SEMA3E: variants seen among roughly 807,000 people sequenced by gnomAD.
The protein encoded by SEMA3E is semaphorin 3E.
In SEMA3E, 49 loss-of-function variants were observed where a neutral mutation model predicts 93.6. The observed-to-expected ratio is 0.52, with a 90% CI of 0.42 to 0.66. The LOEUF (loss-of-function observed/expected upper bound fraction) is 0.66. Ranked by LOEUF, SEMA3E falls within the 30% of genes least tolerant of loss-of-function variation. The probability of loss-of-function intolerance (pLI) is 0.00; values close to 1 mark genes in which losing one functional copy is unlikely to be tolerated. For missense variants in SEMA3E, 906 were observed against 964.8 expected, an observed-to-expected ratio of 0.94 and a Z score of 0.81; for synonymous variants, 363 against 330.7, an observed-to-expected ratio of 1.10 and a Z score of -1.06.
chr7:83,483,523 T>A (rs1354438434), intron 2 of SEMA3E, among the ~76,000 whole-genome samples: 3 of 152,004 alleles, frequency 2.0e-5, no homozygotes, highest in Non-Finnish European at 4.4e-5. Flanking sequence ...ATCCCTAGGT[T>A]TTGCCAGACT....
In SEMA3E at chr7:83,562,096, C is replaced by T. The variant is rs113875335; in HGVS notation, c.116-71822G>A. ...TCTGACATTTTAGTTCAATTGGATACGTATATTTGAAATGAAAACCTTTCA... is the reference window on the plus strand; with the variant it reads ...TCTGACATTTTAGTTCAATTGGATATGTATATTTGAAATGAAAACCTTTCA... On this transcript the variant is annotated intron_variant, in intron 1 of 16. Transcript: ENST00000643230. Among the ~76,000 whole-genome samples, 1,468 of 152,014 alleles carry T rather than the reference C, an allele frequency of 9.7e-3. 26 individuals carry two copies. The highest frequency in any genetic ancestry group is 0.032 in the African/African-American group (1,342 of 41,468).
At chr7:83,454,272 A>AAAAAAAAAAAAAAATATAT (rs1257792756) in intron 4 of SEMA3E, among the ~76,000 whole-genome samples, 1 of 110,136 alleles carries the variant, frequency 9.1e-6, no homozygotes, top group African/African-American at 4.3e-5. Context: ...AAAAAAAAAA[A>AAAAAAAAAAAAAAATATAT]ATATATATAT....
At chr7:83,407,531 G>A (rs2115650934) in intron 6 of SEMA3E, among the ~76,000 whole-genome samples, 1 of 152,206 alleles carries the variant, frequency 6.6e-6, no homozygotes, top group African/African-American at 2.4e-5. Flanking sequence ...AACTTAAAAT[G>A]CATTCAGGAA....
intron 4 of SEMA3E, among the ~76,000 whole-genome samples, chr7:83,424,112 T>A (rs765857487): frequency 2.0e-5 from 3 of 152,152 alleles, no homozygotes; most frequent in Non-Finnish European, 4.4e-5. Flanking sequence ...ATTCATTTTA[T>A]CAGTGCATAA....
intron 11 of SEMA3E, among the ~76,000 whole-genome samples, chr7:83,397,505 A>G (rs540310284): frequency 5.5e-4 from 83 of 152,256 alleles, no homozygotes; most frequent in African/African-American, 1.9e-3. Context: ...AAGCACACAC[A>G]GTTTTGGCAA....
At chr7:83,639,110 C>CACAAAAAAAA in intron 1 of SEMA3E, among the ~76,000 whole-genome samples, 1 of 27,436 alleles carries the variant, frequency 3.6e-5, no homozygotes, top group Non-Finnish European at 6.0e-5. Flanking sequence ...GACTCCGTCT[C>CACAAAAAAAA]AAAAAAAAAA....
chr7:83,388,685 CA>C (rs1480274223), intron 14 of SEMA3E, among the ~76,000 whole-genome samples: 5 of 151,976 alleles, frequency 3.3e-5, no homozygotes, highest in African/African-American at 1.2e-4. Context: ...GAACCAGATT[CA>C]ATTCCCAATA....
rs12534772 is a variant in SEMA3E, at chr7:83,469,380, T to A, written c.277-78A>T. On this transcript the variant is annotated intron_variant, in intron 2 of 16. Transcript: ENST00000643230. ...CACTGAAAACCATTTCACTTTCTTC[T>A]ACAGTTCAAAACATTTCCTTTTTTT... 0.51 allele frequency: 482,137 copies of A among 948,660 alleles called. 128,565 individuals are homozygous for A. Among genetic ancestry groups the A allele is most frequent in the East Asian group, 0.66 (27,205 of 41,480 alleles). 58.8% of individuals were successfully genotyped at this position (948,660 alleles called of 1,614,324 possible). A position where few individuals can be genotyped will look rare whatever the true frequency, so the allele number is the denominator to read the frequency against.
In SEMA3E at chr7:83,624,660, C is replaced by A. The variant is rs373705299; in HGVS notation, c.115+23768G>T. On this transcript the variant is annotated intron_variant, in intron 1 of 16. Transcript: ENST00000643230. ...GATGGAAAGTTTGCAAAAATTTTCTCCCATTATGTAGGTTGCCTGTTCACT... is the reference window on the plus strand; with the variant it reads ...GATGGAAAGTTTGCAAAAATTTTCTACCATTATGTAGGTTGCCTGTTCACT... Among the ~76,000 whole-genome samples, 12 of 152,134 alleles carry A rather than the reference C, an allele frequency of 7.9e-5. 1 individual carries two copies. Among genetic ancestry groups the A allele is most frequent in the Admixed American group, 6.5e-5 (1 of 15,282 alleles).
intron 1 of SEMA3E, among the ~76,000 whole-genome samples, chr7:83,584,543 G>A (rs992372774): frequency 6.6e-6 from 1 of 152,130 alleles, no homozygotes; most frequent in Non-Finnish European, 1.5e-5. Flanking sequence ...AATAGGTGGT[G>A]TTGGATGCTG....
At chr7:83,373,716 C>T (rs1794780948) in intron 16 of SEMA3E, among the ~76,000 whole-genome samples, 1 of 151,746 alleles carries the variant, frequency 6.6e-6, no homozygotes, top group Non-Finnish European at 1.5e-5. Flanking sequence ...TACACGATAT[C>T]AAAGGAGAAA....
intron 1 of SEMA3E, among the ~76,000 whole-genome samples, chr7:83,601,544 G>C (rs1461987322): frequency 6.6e-6 from 1 of 151,504 alleles, no homozygotes; most frequent in Non-Finnish European, 1.5e-5. Context: ...AATTTTTTTG[G>C]CTCAGTTTTG....
intron 1 of SEMA3E, among the ~76,000 whole-genome samples, chr7:83,602,515 G>A (rs1562850594): frequency 6.7e-6 from 1 of 149,556 alleles, no homozygotes; most frequent in Non-Finnish European, 1.5e-5. Context: ...GTCTTCCTCT[G>A]TCGCCAGGCT....
intron 7 of SEMA3E, among the ~76,000 whole-genome samples, 174 bp from the exon 8 acceptor site, chr7:83,406,233 A>T (rs1562767673): frequency 2.0e-5 from 3 of 150,940 alleles, no homozygotes; most frequent in East Asian, 1.9e-4. Flanking sequence ...TTGGATTTTT[A>T]TTTTTTTTTA....
chr7:83,532,061 T>C (rs530448006), intron 1 of SEMA3E, among the ~76,000 whole-genome samples: 20 of 152,294 alleles, frequency 1.3e-4, no homozygotes, highest in African/African-American at 4.6e-4. Flanking sequence ...GGGTAAAACA[T>C]GTATAAATTA....
chr7:83,538,195 TC>T (rs1174305175), intron 1 of SEMA3E, among the ~76,000 whole-genome samples: 1 of 152,168 alleles, frequency 6.6e-6, no homozygotes, highest in Non-Finnish European at 1.5e-5. Flanking sequence ...GAACATGTTT[TC>T]ATTTCTCTTG....
At chr7:83,374,569 G>T (rs891041360) in intron 16 of SEMA3E, among the ~76,000 whole-genome samples, 5 of 152,180 alleles carry the variant, frequency 3.3e-5, no homozygotes, top group African/African-American at 1.2e-4. Context: ...AGCAATGTAT[G>T]CATGCTATGG....
intron 16 of SEMA3E, among the ~76,000 whole-genome samples, chr7:83,380,548 C>T (rs1460090997): frequency 6.6e-6 from 1 of 151,828 alleles, no homozygotes; most frequent in Admixed American, 6.6e-5. Flanking sequence ...CTACTAATTA[C>T]CCTCTACTCA....
chr7:83,468,367 G>T (rs767531675), intron 3 of SEMA3E, among the ~76,000 whole-genome samples: 2 of 152,098 alleles, frequency 1.3e-5, no homozygotes, highest in Non-Finnish European at 2.9e-5. Context: ...ACATCTGAGA[G>T]GGAACCTATT....
Sources: allele counts gnomAD v4.1 joint callset (sites outside exome capture counted in the v4.1 genomes callset), GRCh38; gene constraint gnomAD v4.1.1; transcripts MANE v1.5; gene names NCBI Gene and HGNC (gene_info 2026-07-23, HGNC 2026-07-21).